The following SETD5 variants were observed in gnomAD, a reference collection of about 807,000 sequenced individuals.
SETD5 encodes histone-lysine N-methyltransferase SETD5.
SETD5 carries 44 observed loss-of-function variants against 153.3 expected under a neutral mutation model. That is an observed-to-expected ratio of 0.29 (90% CI 0.23 to 0.37). SETD5 has a LOEUF of 0.37. Ranked by LOEUF, SETD5 falls within the 10% of genes least tolerant of loss-of-function variation. The probability of loss-of-function intolerance (pLI) is 1.00; values close to 1 mark genes in which losing one functional copy is unlikely to be tolerated. For missense variants in SETD5, 1,544 were observed against 1,768.0 expected, an observed-to-expected ratio of 0.87 and a Z score of 2.27; for synonymous variants, 716 against 645.2, an observed-to-expected ratio of 1.11 and a Z score of -1.66.
At position 9,428,980 on chromosome 3, in the gene SETD5, A is replaced by C. The variant is rs1410758991; in HGVS notation, c.42A>C (p.Thr14=). 6.2e-7 allele frequency: 1 copy of C among 1,613,278 alleles called. No individual in the cohort carries two copies. The highest frequency in any genetic ancestry group is 2.2e-5 in the East Asian group (1 of 44,852). ...CTCTGGGAGTCACCACATCAGATAC[A>C]TCCTACTCAGATATGGCTGCTGGAT... is the stretch of plus-strand genomic sequence containing the variant. ...AIPLGVTTSD[T]SYSDMAAGSD... Residue 14 remains threonine, a synonymous_variant, in exon 3 of 23, where the codon ACA becomes ACC. Transcript: ENST00000402198.
intron 16 of SETD5, among the ~76,000 whole-genome samples, chr3:9,452,402 CT>C (rs2042723184): frequency 6.6e-6 from 1 of 152,160 alleles, no homozygotes; most frequent in South Asian, 2.1e-4. Context: ...AGCTTTAAGG[CT>C]ATATGTATGG....
chr3:9,441,476 A>G (rs1244503408), intron 8 of SETD5, 117 bp from the exon 9 acceptor site: 2 of 968,648 alleles, frequency 2.1e-6, no homozygotes, highest in East Asian at 2.4e-5. Flanking sequence ...TGATCTAAAT[A>G]ACATGTACAG....
intron 18 of SETD5, among the ~76,000 whole-genome samples, chr3:9,469,233 T>C (rs2045011901): frequency 6.6e-6 from 1 of 152,156 alleles, no homozygotes; most frequent in Non-Finnish European, 1.5e-5. Context: ...TGTTATCTCT[T>C]TAGGATATCA....
At chr3:9,413,356 A>G (rs949990752) in intron 1 of SETD5, among the ~76,000 whole-genome samples, 1 of 152,226 alleles carries the variant, frequency 6.6e-6, no homozygotes, top group African/African-American at 2.4e-5. Context: ...TCAGTGTGCA[A>G]TAGGTAACAT....
At chr3:9,453,066 C>A (rs948630635) in intron 16 of SETD5, among the ~76,000 whole-genome samples, 23 of 152,180 alleles carry the variant, frequency 1.5e-4, no homozygotes, top group African/African-American at 5.5e-4. Flanking sequence ...TCTTTACTAC[C>A]AAAAACTTGT....
At chr3:9,431,384 A>T (rs923157199) in intron 3 of SETD5, 1 of 984,816 alleles carries the variant, frequency 1.0e-6, no homozygotes, top group Non-Finnish European at 1.2e-6. Context: ...GAAAGCCTGT[A>T]ATTACATTTG....
At chr3:9,408,490 T>C (rs1039924529) in intron 1 of SETD5, among the ~76,000 whole-genome samples, 1 of 152,246 alleles carries the variant, frequency 6.6e-6, no homozygotes, top group African/African-American at 2.4e-5. Flanking sequence ...TTGGTAAGTT[T>C]GAGTCTTTAT....
At position 9,476,091 on chromosome 3, in the gene SETD5, G is replaced by C; in HGVS notation, c.4329G>C (p.Ter1443TyrextTer11). ...TCAAGACTCAGACGGGACTTTCCTAGGGCTTCTGGATTTGGGCAAACAGAA... is the reference window on the plus strand; with the variant it reads ...TCAAGACTCAGACGGGACTTTCCTACGGCTTCTGGATTTGGGCAAACAGAA... ...SGVKTQTGLS[*>Y] The change falls in exon 23 of 23, where the codon TAG (stop) becomes TAC (tyrosine). Residue 1443 changes from the stop codon to tyrosine, a stop_lost. Coordinates refer to ENST00000402198, the MANE Select transcript of SETD5 (RefSeq NM_001080517.3). 6.2e-7 allele frequency: 1 copy of C among 1,611,226 alleles called. No individual in the cohort carries two copies.
At chr3:9,422,588 A>G (rs2038573559) in intron 1 of SETD5, among the ~76,000 whole-genome samples, 1 of 152,238 alleles carries the variant, frequency 6.6e-6, no homozygotes, top group Non-Finnish European at 1.5e-5. Flanking sequence ...AAAGTAAAAA[A>G]TGTTCAGTAT....
chr3:9,427,074 T>TG (rs2039361938), intron 2 of SETD5, among the ~76,000 whole-genome samples: 1 of 151,874 alleles, frequency 6.6e-6, no homozygotes, highest in Admixed American at 6.6e-5. Flanking sequence ...TTTGTAGAGT[T>TG]GGGGTCTCAC....
chr3:9,439,257 C>G (rs2040979941), intron 7 of SETD5, among the ~76,000 whole-genome samples: 1 of 152,130 alleles, frequency 6.6e-6, no homozygotes, highest in South Asian at 2.1e-4. Context: ...GTTTATTGTT[C>G]AGTCTTTTGG....
At chr3:9,443,054 A>C (rs1484180093) in intron 10 of SETD5, 2 of 349,870 alleles carry the variant, frequency 5.7e-6, no homozygotes, top group Non-Finnish European at 1.1e-5. Flanking sequence ...AAAAGATGTG[A>C]AAGTAGAGAT....
chr3:9,438,737 C>T (rs2040902109), intron 7 of SETD5, among the ~76,000 whole-genome samples: 1 of 152,170 alleles, frequency 6.6e-6, no homozygotes, highest in African/African-American at 2.4e-5. Context: ...AGTCTTGACA[C>T]TGTTGACAGT....
At chr3:9,419,512 G>A (rs529252053) in intron 1 of SETD5, among the ~76,000 whole-genome samples, 1 of 152,252 alleles carries the variant, frequency 6.6e-6, no homozygotes, top group South Asian at 2.1e-4. Flanking sequence ...GTTGCGGTGA[G>A]CTGTGATTGC....
chr3:9,467,926 A>G (rs1575590307), intron 18 of SETD5, among the ~76,000 whole-genome samples: 1 of 151,772 alleles, frequency 6.6e-6, no homozygotes, highest in Non-Finnish European at 1.5e-5. Flanking sequence ...TATGCCAAGA[A>G]CCAACTCTAG....
intron 1 of SETD5, among the ~76,000 whole-genome samples, chr3:9,416,877 C>G (rs903263590): frequency 1.3e-5 from 2 of 151,388 alleles, no homozygotes; most frequent in Non-Finnish European, 1.5e-5. Context: ...TTGATTAAAG[C>G]TGGGTAGGGA....
intron 3 of SETD5, chr3:9,430,806 C>T (rs2039872301): frequency 1.0e-6 from 1 of 985,010 alleles, no homozygotes; most frequent in Admixed American, 6.2e-5. Context: ...GGACTAATTC[C>T]AGAAATAAAA....
At chr3:9,449,925 A>G (rs753380562) in intron 16 of SETD5, among the ~76,000 whole-genome samples, 8 of 152,226 alleles carry the variant, frequency 5.3e-5, no homozygotes, top group African/African-American at 1.9e-4. Context: ...AGGTCGTACA[A>G]TCTCCTATTT....
intron 16 of SETD5, among the ~76,000 whole-genome samples, chr3:9,453,339 AGAG>A (rs1175042808): frequency 6.6e-6 from 1 of 152,156 alleles, no homozygotes; most frequent in Non-Finnish European, 1.5e-5. Context: ...ACAACTTTTA[AGAG>A]ATCTTTATCT....
Sources: gnomAD v4.1 joint callset for allele counts (sites outside exome capture counted in the v4.1 genomes callset) on GRCh38, gnomAD v4.1.1 for gene constraint, MANE v1.5 for transcripts, NCBI Gene and HGNC (gene_info 2026-07-23, HGNC 2026-07-21) for gene names.